The following MEIOSIN variants were observed in gnomAD, a reference collection of about 807,000 sequenced individuals.
The protein encoded by MEIOSIN is meiosis initiator protein.
In MEIOSIN, 18 loss-of-function variants were observed where a neutral mutation model predicts 23.4. That is an observed-to-expected ratio of 0.77 (90% CI 0.53 to 1.14). The LOEUF (loss-of-function observed/expected upper bound fraction) is 1.14, where lower values mean the gene tolerates loss of function less well. Among genes scored for constraint, MEIOSIN ranks in the 50% most tolerant of loss-of-function variants. The pLI is 0.00. For synonymous variants in MEIOSIN, 187 were observed against 100.6 expected (o/e 1.86, Z -5.14); for missense variants, 428 against 242.9 (o/e 1.76, Z -5.07).
chr19:45,751,313 T>A (rs8105077), intron 5 of MEIOSIN, among the ~76,000 whole-genome samples: 2,516 of 95,594 alleles, frequency 0.026, 36 homozygotes, highest in Middle Eastern at 0.049. Context: ...AATAATAATA[T>A]ATACATAAAA....
At chr19:45,749,321 G>A (rs116467104) in intron 4 of MEIOSIN, among the ~76,000 whole-genome samples, 4,567 of 143,312 alleles carry the variant, frequency 0.032, 258 homozygotes, top group African/African-American at 0.11. Flanking sequence ...GAAGTGAGCT[G>A]AGATGGTACC....
Position 45,764,294 on chromosome 19 carries a change from G to A in MEIOSIN, c.*176G>A, listed in dbSNP as rs528942120. On this transcript the variant is annotated 3_prime_UTR_variant, in exon 15 of 15. Coordinates refer to ENST00000457052, the MANE Select transcript of MEIOSIN (RefSeq NM_001310124.2). ...CCCCAACCGCTGGGCACATTTGCCT[G>A]GAGCACCAGAGTCACCCACAGCTGC... 50 of 395,988 alleles carry A rather than the reference G, an allele frequency of 1.3e-4. No individual in the cohort carries two copies. In the East Asian group the frequency reaches 1.6e-3, roughly 13 times the overall value. The allele number at this position is 395,988 out of a possible 1,614,324, so 24.5% of individuals were successfully genotyped here.
chr19:45,741,403 G>A (rs1968502934), intron 3 of MEIOSIN, among the ~76,000 whole-genome samples: 1 of 151,796 alleles, frequency 6.6e-6, no homozygotes, highest in African/African-American at 2.4e-5. Context: ...TTGATATGAA[G>A]ACAAGTATAC....
At chr19:45,746,266 C>T (rs569733615) in intron 4 of MEIOSIN, among the ~76,000 whole-genome samples, 3 of 152,302 alleles carry the variant, frequency 2.0e-5, no homozygotes, top group African/African-American at 7.2e-5. Flanking sequence ...TGCACCCAGC[C>T]AGTCTCACTG....
chr19:45,758,849 C>T (rs1968887217), intron 9 of MEIOSIN, 29 bp from the exon 10 acceptor site: 1 of 700,726 alleles, frequency 1.4e-6, no homozygotes. Context: ...TCTCTGGCCA[C>T]ACCCCTGAGT....
chr19:45,753,282 G>A (rs1968751564), intron 5 of MEIOSIN, among the ~76,000 whole-genome samples: 1 of 152,148 alleles, frequency 6.6e-6, no homozygotes, highest in Admixed American at 6.6e-5. Context: ...GAGGCCAGAG[G>A]GAAAGGCCCC....
At chr19:45,747,921 G>A (rs1968623465) in intron 4 of MEIOSIN, among the ~76,000 whole-genome samples, 1 of 151,298 alleles carries the variant, frequency 6.6e-6, no homozygotes, top group Admixed American at 6.7e-5. Context: ...GCAATGTGAC[G>A]AAAGTCCATC....
At position 45,764,202 on chromosome 19, in the gene MEIOSIN, T is replaced by C. The variant is rs1969012661; in HGVS notation, c.*84T>C. 2.5e-6 allele frequency: 1 copy of C among 398,108 alleles called. No homozygotes were observed. The highest frequency in any genetic ancestry group is 2.1e-5 in the African/African-American group (1 of 48,602). The allele number at this position is 398,108 out of a possible 1,614,324, so 24.7% of individuals were successfully genotyped here. A position where few individuals can be genotyped will look rare whatever the true frequency, so the allele number is the denominator to read the frequency against. ...AAGCCAGGACCCATCGATGAACTTG[T>C]CCCTCCTGGGCCTCCAGCCCCTGAG... On this transcript the variant is annotated 3_prime_UTR_variant, in exon 15 of 15. Coordinates refer to ENST00000457052, the MANE Select transcript of MEIOSIN (RefSeq NM_001310124.2).
At chr19:45,735,800 C>G (rs1423585098) in intron 2 of MEIOSIN, among the ~76,000 whole-genome samples, 2 of 152,116 alleles carry the variant, frequency 1.3e-5, no homozygotes, top group Admixed American at 1.3e-4. Context: ...CCTCAGCCTC[C>G]CCAGTAGCTG....
At position 45,759,292 on chromosome 19, in the gene MEIOSIN, G is replaced by A. The variant is rs1968895529; in HGVS notation, c.1169-122G>A. Reference sequence around the variant, plus strand: ...TGTGAGCGGGATTTGGACCTAGGGTGGGAGATCCTGAAGGAGAACGCCAGA... The same window carrying A: ...TGTGAGCGGGATTTGGACCTAGGGTAGGAGATCCTGAAGGAGAACGCCAGA... On this transcript the variant is annotated intron_variant, in intron 10 of 14. Coordinates refer to ENST00000457052, the MANE Select transcript of MEIOSIN (RefSeq NM_001310124.2). 5.3e-5 allele frequency: 35 copies of A among 654,828 alleles called. 2 individuals are homozygous for A. The South Asian group carries it at 6.0e-4, about 11-fold the overall frequency. The allele number at this position is 654,828 out of a possible 1,614,324, so 40.6% of individuals were successfully genotyped here.
At position 45,754,585 on chromosome 19, in the gene MEIOSIN, C is replaced by A. The variant is rs1264125318; in HGVS notation, c.663C>A (p.Thr221=). 1.4e-6 allele frequency: 1 copy of A among 702,956 alleles called. No individual in the cohort carries two copies. The highest frequency in any genetic ancestry group is 2.6e-6 in the Non-Finnish European group (1 of 385,030). 43.5% of individuals were successfully genotyped at this position (702,956 alleles called of 1,614,324 possible). A position where few individuals can be genotyped will look rare whatever the true frequency, so the allele number is the denominator to read the frequency against. The change falls in exon 7 of 15, where the codon ACC becomes ACA. Residue 221 remains threonine, a synonymous_variant. Coordinates refer to ENST00000457052, the MANE Select transcript of MEIOSIN (RefSeq NM_001310124.2). ...PDQKGSGTGG[T]TTPPRCPDSC... Reference sequence around the variant, plus strand: ...AGAAAGGAAGTGGCACAGGGGGGACCACTACCCCTCCAAGGTGCCCTGACT... The same window carrying A: ...AGAAAGGAAGTGGCACAGGGGGGACAACTACCCCTCCAAGGTGCCCTGACT...
rs1019524508 is a variant in MEIOSIN, at chr19:45,733,821, G to A, written c.-1+155G>A. Among the ~76,000 whole-genome samples, 5 of 152,228 alleles carry A rather than the reference G, an allele frequency of 3.3e-5. No homozygotes were observed. The highest frequency in any genetic ancestry group is 7.4e-5 in the Non-Finnish European group (5 of 68,026). ...CTCTGGGTGCAGGGCCACGGGCGAC[G>A]GAGTTTGGGTTTGAAGCCGGGGGTC... On this transcript the variant is annotated intron_variant, in intron 1 of 14. Coordinates refer to ENST00000457052, the MANE Select transcript of MEIOSIN (RefSeq NM_001310124.2). This position sits in a 1 kb window ranked among gnomAD's most constrained non-coding sequence, Gnocchi z 5.7.
chr19:45,760,167 A>C (rs1968911321), intron 11 of MEIOSIN, among the ~76,000 whole-genome samples: 1 of 151,862 alleles, frequency 6.6e-6, no homozygotes, highest in Admixed American at 6.6e-5. Context: ...CAGATAAGGA[A>C]ATTGAAATCA....
chr19:45,755,361 G>A (rs552853426), intron 7 of MEIOSIN, among the ~76,000 whole-genome samples: 1 of 152,218 alleles, frequency 6.6e-6, no homozygotes, highest in East Asian at 1.9e-4. Context: ...TATTGACCAG[G>A]CTGGTCTTGA....
intron 4 of MEIOSIN, among the ~76,000 whole-genome samples, chr19:45,749,373 C>CA (rs750228351): frequency 0.35 from 19,272 of 55,380 alleles, 2,670 homozygotes; most frequent in Non-Finnish European, 0.39. Context: ...GACCCTGTCT[C>CA]AAAAAAAAAA....
chr19:45,755,903 C>T (rs1329671509), intron 7 of MEIOSIN, 67 bp from the exon 8 acceptor site: 7 of 672,382 alleles, frequency 1.0e-5, no homozygotes, highest in Admixed American at 8.4e-5. Flanking sequence ...CCCCTTTGTC[C>T]CCTGCTTCTG....
intron 4 of MEIOSIN, among the ~76,000 whole-genome samples, chr19:45,747,299 G>T (rs1046068971): frequency 1.3e-5 from 2 of 152,146 alleles, no homozygotes; most frequent in African/African-American, 4.8e-5. Flanking sequence ...CCAGTGCTCC[G>T]CGCCATAGCA....
chr19:45,744,235 G>A (rs964115227), intron 3 of MEIOSIN, among the ~76,000 whole-genome samples: 2 of 151,588 alleles, frequency 1.3e-5, no homozygotes, highest in African/African-American at 2.4e-5. Flanking sequence ...GGCCAGGCTG[G>A]TCTTGAACTC....
chr19:45,741,886 T>A (rs960358387), intron 3 of MEIOSIN, among the ~76,000 whole-genome samples: 7 of 152,114 alleles, frequency 4.6e-5, no homozygotes, highest in African/African-American at 1.7e-4. Context: ...TTATTTATTT[T>A]TTGAGACGGA....
Sources: allele counts gnomAD v4.1 joint callset (sites outside exome capture counted in the v4.1 genomes callset), GRCh38; gene constraint gnomAD v4.1.1; non-coding constraint Gnocchi (gnomAD v3.1); transcripts MANE v1.5; gene names NCBI Gene and HGNC (gene_info 2026-07-23, HGNC 2026-07-21).